Variants in SMG6 observed in about 807,000 individuals in gnomAD.
The protein encoded by SMG6 is SMG6 nonsense mediated mRNA decay factor.
Under a neutral mutation model 142.2 loss-of-function variants are expected in SMG6, and 66 were observed. The observed-to-expected ratio is 0.46, with a 90% CI of 0.38 to 0.57. The LOEUF (loss-of-function observed/expected upper bound fraction) is 0.57, where lower values mean the gene tolerates loss of function less well. SMG6 is among the 20% of genes least tolerant of loss of function. The pLI is 0.00. For missense variants in SMG6, 1,793 were observed against 1,832.0 expected, an observed-to-expected ratio of 0.98 and a Z score of 0.39; for synonymous variants, 779 against 702.4, an observed-to-expected ratio of 1.11 and a Z score of -1.72.
chr17:2,265,831 T>C (rs968640856), intron 8 of SMG6: 1 of 247,454 alleles, frequency 4.0e-6, no homozygotes, highest in Non-Finnish European at 6.4e-6. Context: ...TTAGAGATGC[T>C]GGTTAAAATA....
intron 13 of SMG6, among the ~76,000 whole-genome samples, chr17:2,156,714 G>A (rs1211695120): frequency 6.6e-6 from 1 of 152,154 alleles, no homozygotes; most frequent in African/African-American, 2.4e-5. Context: ...CAGTGCAGTG[G>A]CACGATCACT....
intron 9 of SMG6, among the ~76,000 whole-genome samples, chr17:2,238,501 T>C (rs1400735885): frequency 7.9e-5 from 12 of 152,204 alleles, no homozygotes; most frequent in Non-Finnish European, 1.8e-4. Flanking sequence ...CCTGACACTG[T>C]GCAGCACTCT....
chr17:2,132,333 T>C (rs1479583629), intron 13 of SMG6, among the ~76,000 whole-genome samples: 2 of 152,224 alleles, frequency 1.3e-5, no homozygotes, highest in East Asian at 3.8e-4. Flanking sequence ...ATATCTAATG[T>C]TGAATGAACG....
At position 2,299,537 on chromosome 17, in the gene SMG6, G is replaced by C. The variant is rs771019500; in HGVS notation, c.1216C>G (p.Arg406Gly). 9.9e-6 allele frequency: 16 copies of C among 1,614,068 alleles called. No individual in the cohort carries two copies. Among genetic ancestry groups the C allele is most frequent in the Non-Finnish European group, 1.3e-5 (15 of 1,180,018 alleles). ...TGGGCAGGCAAAATCAGAATGCCAC[G>C]ACCACGACCCCGAAGTTCTTGTTTC... ...NPKQELRGRGRGILILPAHTT... is the reference protein window; with the variant it reads ...NPKQELRGRGGGILILPAHTT... The change falls in exon 2 of 19, where the codon CGT (arginine) becomes GGT (glycine). Residue 406 changes from arginine (R) to glycine (G), a missense_variant. Physicochemically the swap from Arg to Gly is moderately radical, Grantham distance 125. Transcript: ENST00000263073. This position sits in a 1 kb window ranked among gnomAD's most constrained non-coding sequence, Gnocchi z 4.3.
intron 8 of SMG6, among the ~76,000 whole-genome samples, chr17:2,248,206 T>C (rs552097668): frequency 3.3e-5 from 5 of 152,310 alleles, no homozygotes; most frequent in African/African-American, 1.2e-4. Context: ...TTTACTTTAG[T>C]AAATGGCAGA....
At chr17:2,092,531 G>A (rs990186902) in intron 13 of SMG6, among the ~76,000 whole-genome samples, 5 of 152,180 alleles carry the variant, frequency 3.3e-5, no homozygotes, top group Non-Finnish European at 7.3e-5. Flanking sequence ...GTGGGAACTG[G>A]CAAATGGTCA....
chr17:2,243,447 G>A (rs770764082), intron 9 of SMG6, among the ~76,000 whole-genome samples: 4 of 152,188 alleles, frequency 2.6e-5, no homozygotes, highest in Admixed American at 6.5e-5. Context: ...TTGGGAGGGC[G>A]AGGCAGGTGG....
chr17:2,133,909 C>T (rs2070205403), intron 13 of SMG6, among the ~76,000 whole-genome samples: 2 of 152,110 alleles, frequency 1.3e-5, no homozygotes, highest in South Asian at 4.1e-4. Context: ...GGGATGGGAC[C>T]ACATTGTAGG....
intron 8 of SMG6, among the ~76,000 whole-genome samples, chr17:2,276,057 T>C (rs1056701945): frequency 1.3e-5 from 2 of 152,226 alleles, no homozygotes; most frequent in Non-Finnish European, 2.9e-5. Context: ...GTATTAGAAA[T>C]TCTCTAGGAG....
At chr17:2,112,196 C>T (rs1052901329) in intron 13 of SMG6, among the ~76,000 whole-genome samples, 2 of 151,682 alleles carry the variant, frequency 1.3e-5, no homozygotes, top group Admixed American at 6.6e-5. Context: ...TTCCTATTAC[C>T]GCTTCCCTCT....
chr17:2,106,825 AT>A (rs71769762), intron 13 of SMG6, among the ~76,000 whole-genome samples: 3,509 of 143,038 alleles, frequency 0.025, 67 homozygotes, highest in South Asian at 0.068. Context: ...CTAGGCAGGA[AT>A]TTTTTTTTTT....
At chr17:2,144,281 G>T (rs2070590423) in intron 13 of SMG6, among the ~76,000 whole-genome samples, 2 of 151,922 alleles carry the variant, frequency 1.3e-5, no homozygotes, top group Non-Finnish European at 2.9e-5. Flanking sequence ...AGACCAGGCT[G>T]GTCTCAAACT....
intron 9 of SMG6, among the ~76,000 whole-genome samples, chr17:2,239,482 A>AC (rs2073749729): frequency 6.6e-6 from 1 of 152,234 alleles, no homozygotes; most frequent in Non-Finnish European, 1.5e-5. Context: ...ATTGAATACT[A>AC]GTTTTTTTAA....
At chr17:2,195,267 CAT>C (rs2072289829) in intron 10 of SMG6, among the ~76,000 whole-genome samples, 1 of 152,222 alleles carries the variant, frequency 6.6e-6, no homozygotes, top group South Asian at 2.1e-4. Flanking sequence ...CATATTCCCA[CAT>C]GACACCCTTC....
chr17:2,258,798 C>CA (rs771561105), intron 8 of SMG6, among the ~76,000 whole-genome samples: 1,032 of 100,622 alleles, frequency 0.01, 13 homozygotes, highest in East Asian at 0.037. Flanking sequence ...GACGCCAGCT[C>CA]AAAAAAAAAA....
At chr17:2,159,695 T>C (rs2071115076) in intron 13 of SMG6, among the ~76,000 whole-genome samples, 1 of 152,150 alleles carries the variant, frequency 6.6e-6, no homozygotes, top group Non-Finnish European at 1.5e-5. Context: ...AATGAAAATA[T>C]ATGACCACAA....
At chr17:2,242,356 CAAAAAAAAAAAAA>C (rs57062488) in intron 9 of SMG6, among the ~76,000 whole-genome samples, 10 of 73,510 alleles carry the variant, frequency 1.4e-4, no homozygotes, top group African/African-American at 5.4e-4. Context: ...ACTGAAGATA[CAAAAAAAAAAAAA>C]AAAAAAAAAA....
chr17:2,186,063 C>T lies in SMG6; in HGVS notation c.3155+600G>A, dbSNP rs115559331. 1.5e-3 allele frequency among the ~76,000 whole-genome samples: 223 copies of T among 151,740 alleles called. 1 individual carries two copies. The highest frequency in any genetic ancestry group is 5.0e-3 in the African/African-American group (207 of 41,376). ...CAACACGGCGAAACCCTGTCTCTAC[C>T]GAAAAATACAAAAAATGAGCCAGGC... On this transcript the variant is annotated intron_variant, in intron 12 of 18. Transcript: ENST00000263073.
intron 13 of SMG6, among the ~76,000 whole-genome samples, chr17:2,128,578 C>A (rs971250294): frequency 6.6e-6 from 1 of 152,124 alleles, no homozygotes; most frequent in Non-Finnish European, 1.5e-5. Flanking sequence ...ACAGCCTCTC[C>A]AAGCATTGTA....
Sources: gnomAD v4.1 joint callset for allele counts (sites outside exome capture counted in the v4.1 genomes callset) on GRCh38, gnomAD v4.1.1 for gene constraint, Gnocchi (gnomAD v3.1) non-coding constraint, MANE v1.5 for transcripts, NCBI Gene and HGNC (gene_info 2026-07-23, HGNC 2026-07-21) for gene names.